The following CCDC102B variants were observed in gnomAD, a reference collection of about 807,000 sequenced individuals.
CCDC102B encodes coiled-coil domain containing 102B, also known as coiled-coil domain-containing protein 102B.
Under a neutral mutation model 57.4 loss-of-function variants are expected in CCDC102B, and 75 were observed. The observed-to-expected ratio is 1.31, with a 90% CI of 1.08 to 1.58. The LOEUF (loss-of-function observed/expected upper bound fraction) is 1.58, where lower values mean the gene tolerates loss of function less well. Ranked by LOEUF, CCDC102B falls within the 40% of genes most tolerant of loss-of-function variation. CCDC102B has a pLI of 0.00. For missense variants in CCDC102B, 636 were observed against 582.6 expected, an observed-to-expected ratio of 1.09 and a Z score of -0.94; for synonymous variants, 206 against 201.9, an observed-to-expected ratio of 1.02 and a Z score of -0.17.
chr18:68,871,021 A>C (rs1162951245), intron 4 of CCDC102B, among the ~76,000 whole-genome samples: 2 of 152,202 alleles, frequency 1.3e-5, no homozygotes, highest in African/African-American at 4.8e-5. Context: ...TATAGAATAC[A>C]TATTTATATA....
chr18:68,959,417 A>T lies in CCDC102B; in HGVS notation c.1264-51517A>T, dbSNP rs147802233. Among the ~76,000 whole-genome samples, 902 of 152,234 alleles carry T rather than the reference A, an allele frequency of 5.9e-3. 12 individuals carry two copies. Among genetic ancestry groups the T allele is most frequent in the African/African-American group, 0.021 (852 of 41,538 alleles). Reference sequence around the variant, plus strand: ...AGGTGGGGTAACACAAGCATCTTTGAGGCCACCATCACTGGAACTAGGCTA... The same window carrying T: ...AGGTGGGGTAACACAAGCATCTTTGTGGCCACCATCACTGGAACTAGGCTA... On this transcript the variant is annotated intron_variant, in intron 6 of 7. Transcript: ENST00000360242.
chr18:68,792,323 T>TGCTAAGTTAA (rs2035488226), intron 2 of CCDC102B, among the ~76,000 whole-genome samples: 1 of 152,186 alleles, frequency 6.6e-6, no homozygotes, highest in South Asian at 2.1e-4. Flanking sequence ...GCTTAAGTAA[T>TGCTAAGTTAA]GTGTCTAACT....
chr18:68,858,720 T>C (rs534413484), intron 4 of CCDC102B, among the ~76,000 whole-genome samples: 7 of 152,280 alleles, frequency 4.6e-5, no homozygotes, highest in East Asian at 3.9e-4. Context: ...CTGGCACCCA[T>C]TGAAGTGAGA....
At chr18:68,891,976 G>T (rs1311958006) in intron 5 of CCDC102B, among the ~76,000 whole-genome samples, 1 of 152,106 alleles carries the variant, frequency 6.6e-6, no homozygotes, top group Non-Finnish European at 1.5e-5. Flanking sequence ...GGGTTCTATG[G>T]GAGAAAGTGG....
chr18:68,939,728 A>G (rs2049330179), intron 6 of CCDC102B, among the ~76,000 whole-genome samples: 1 of 151,844 alleles, frequency 6.6e-6, no homozygotes, highest in Non-Finnish European at 1.5e-5. Flanking sequence ...GCATTTAAGT[A>G]AGATGTCTCC....
At chr18:68,983,631 GA>G (rs937413424) in intron 6 of CCDC102B, among the ~76,000 whole-genome samples, 1 of 151,234 alleles carries the variant, frequency 6.6e-6, no homozygotes, top group African/African-American at 2.4e-5. Context: ...TGAAAAGTTT[GA>G]AAAAAAATAT....
intron 7 of CCDC102B, among the ~76,000 whole-genome samples, chr18:69,040,348 A>T (rs1282867661): frequency 6.6e-6 from 1 of 151,568 alleles, no homozygotes; most frequent in Non-Finnish European, 1.5e-5. Flanking sequence ...GGCACATTAA[A>T]CAAATTATAT....
chr18:68,789,093 T>A (rs1308094962), intron 2 of CCDC102B, among the ~76,000 whole-genome samples: 1 of 152,186 alleles, frequency 6.6e-6, no homozygotes, highest in East Asian at 1.9e-4. Context: ...TTATGAAGCT[T>A]AGTTTGGCTG....
At chr18:68,767,300 A>G (rs976230630) in intron 2 of CCDC102B, among the ~76,000 whole-genome samples, 1 of 152,218 alleles carries the variant, frequency 6.6e-6, no homozygotes, top group Non-Finnish European at 1.5e-5. Flanking sequence ...AAATGAAGTC[A>G]TGATGGGGGA....
intron 6 of CCDC102B, among the ~76,000 whole-genome samples, chr18:69,001,411 G>C (rs911894274): frequency 1.4e-4 from 22 of 151,760 alleles, no homozygotes; most frequent in African/African-American, 4.8e-4. Flanking sequence ...CTAAAGACAG[G>C]CTTTTTATCA....
At chr18:68,960,268 G>A (rs955025218) in intron 6 of CCDC102B, among the ~76,000 whole-genome samples, 2 of 152,076 alleles carry the variant, frequency 1.3e-5, no homozygotes, top group Non-Finnish European at 1.5e-5. Flanking sequence ...TGGTCTTCTG[G>A]GTGTGTCAAG....
At chr18:68,963,820 T>G (rs1016432035) in intron 6 of CCDC102B, among the ~76,000 whole-genome samples, 1 of 151,926 alleles carries the variant, frequency 6.6e-6, no homozygotes, top group African/African-American at 2.4e-5. Context: ...TGTATGTATG[T>G]ATGTATGTAT....
chr18:69,030,056 AT>A lies in CCDC102B; in HGVS notation c.1434+18959del, dbSNP rs138906247. Among the ~76,000 whole-genome samples the A allele has an allele frequency of 1.2e-4, 18 of 152,148 alleles. No individual in the cohort carries two copies. The East Asian group carries it at 3.1e-3, about 26-fold the overall frequency. On this transcript the variant is annotated intron_variant, in intron 7 of 7. Coordinates refer to ENST00000360242, the MANE Select transcript of CCDC102B (RefSeq NM_024781.3). ...TGTTTATTATTTAGTGGAAAAAATT[AT>A]TTTTTTCTTTATATTTCAATACTGC...
intron 1 of CCDC102B, among the ~76,000 whole-genome samples, chr18:68,808,024 A>G (rs2036094895): frequency 6.6e-6 from 1 of 152,116 alleles, no homozygotes; most frequent in Non-Finnish European, 1.5e-5. Context: ...TTTTCTTAAG[A>G]TTCCACGTCT....
intron 6 of CCDC102B, among the ~76,000 whole-genome samples, chr18:69,007,156 A>G (rs1334903570): frequency 1.3e-5 from 2 of 152,238 alleles, no homozygotes; most frequent in African/African-American, 4.8e-5. Flanking sequence ...ACTGATTTTT[A>G]AAACATCTTT....
intron 5 of CCDC102B, among the ~76,000 whole-genome samples, chr18:68,878,405 GACT>G (rs773624106): frequency 6.6e-6 from 1 of 152,092 alleles, no homozygotes; most frequent in Non-Finnish European, 1.5e-5. Context: ...GGCTAGATTT[GACT>G]ACATTTGATT....
At chr18:68,956,399 A>AT (rs1350807044) in intron 6 of CCDC102B, among the ~76,000 whole-genome samples, 1 of 79,728 alleles carries the variant, frequency 1.3e-5, no homozygotes, top group African/African-American at 6.2e-5. Context: ...TATATATATA[A>AT]ATATATTTTA....
intron 2 of CCDC102B, among the ~76,000 whole-genome samples, chr18:68,752,894 A>G (rs1432859010): frequency 6.6e-6 from 1 of 152,150 alleles, no homozygotes; most frequent in Non-Finnish European, 1.5e-5. Flanking sequence ...ACATCAGTGA[A>G]TTCAAGTCTT....
At chr18:68,780,143 A>G (rs1012913801) in intron 2 of CCDC102B, among the ~76,000 whole-genome samples, 1 of 152,040 alleles carries the variant, frequency 6.6e-6, no homozygotes, top group Non-Finnish European at 1.5e-5. Flanking sequence ...GACTTCTTTT[A>G]CTTATCATAA....
Sources: gnomAD v4.1 joint callset for allele counts (sites outside exome capture counted in the v4.1 genomes callset) on GRCh38, gnomAD v4.1.1 for gene constraint, MANE v1.5 for transcripts, NCBI Gene and HGNC (gene_info 2026-07-23, HGNC 2026-07-21) for gene names.